The following VMP1 variants were observed in gnomAD, a reference collection of about 807,000 sequenced individuals.
VMP1 encodes the protein ectopic P-granules autophagy protein 3 homolog.
Under a neutral mutation model 56.0 loss-of-function variants are expected in VMP1, and 11 were observed. That is an observed-to-expected ratio of 0.20 (90% CI 0.12 to 0.32). The LOEUF is 0.32. VMP1 is among the 10% of genes least tolerant of loss of function. The pLI, the probability that VMP1 is intolerant of heterozygous loss-of-function variation, is 1.00. For synonymous variants in VMP1, 149 were observed against 165.0 expected (o/e 0.90, Z 0.74); for missense variants, 296 against 490.3 (o/e 0.60, Z 3.74).
intron 7 of VMP1, among the ~76,000 whole-genome samples, chr17:59,775,252 A>T (rs148232494): frequency 2.0e-5 from 3 of 146,728 alleles, no homozygotes; most frequent in African/African-American, 7.5e-5. Context: ...CCTACAAAAA[A>T]TTTTTTAAAA....
At chr17:59,715,076 G>A (rs2034100815) in intron 1 of VMP1, among the ~76,000 whole-genome samples, 1 of 152,152 alleles carries the variant, frequency 6.6e-6, no homozygotes, top group South Asian at 2.1e-4. Context: ...AGTAATTGTT[G>A]ACATCAGTTA....
At chr17:59,742,522 C>CAACAATAAT (rs1555614991) in intron 5 of VMP1, among the ~76,000 whole-genome samples, 1 of 142,948 alleles carries the variant, frequency 7.0e-6, no homozygotes, top group Non-Finnish European at 1.5e-5. Context: ...GTCTCAAAAA[C>CAACAATAAT]AATAATAATA....
At chr17:59,735,623 CT>C in intron 3 of VMP1, 150 bp downstream of exon 3, 2 of 845,330 alleles carry the variant, frequency 2.4e-6, no homozygotes, top group Non-Finnish European at 3.5e-6. Context: ...ATTCTCCTTT[CT>C]TTAGGTTGAA....
At chr17:59,835,493 GT>G (rs1175072049) in intron 10 of VMP1, among the ~76,000 whole-genome samples, 118 of 134,736 alleles carry the variant, frequency 8.8e-4, no homozygotes, top group South Asian at 2.9e-3. Context: ...GCAGTTTTTT[GT>G]TTTTTTTTTT....
intron 1 of VMP1, among the ~76,000 whole-genome samples, chr17:59,710,794 G>A (rs900942649): frequency 3.3e-5 from 5 of 152,184 alleles, no homozygotes; most frequent in African/African-American, 4.8e-5. Flanking sequence ...GAACTGGCCA[G>A]GCGCCGTGGC....
chr17:59,837,139 G>A (rs2039008347), intron 10 of VMP1, among the ~76,000 whole-genome samples: 1 of 151,786 alleles, frequency 6.6e-6, no homozygotes, highest in South Asian at 2.1e-4. Flanking sequence ...GGAGGTAGAG[G>A]TTGCAGTGAG....
chr17:59,751,428 T>A (rs1039941602), intron 5 of VMP1, among the ~76,000 whole-genome samples: 2 of 152,044 alleles, frequency 1.3e-5, no homozygotes, highest in African/African-American at 4.8e-5. Flanking sequence ...CCAGTTTTTG[T>A]GAGTCAAAAT....
chr17:59,812,126 C>CA (rs892551499), intron 9 of VMP1, among the ~76,000 whole-genome samples: 4 of 151,992 alleles, frequency 2.6e-5, no homozygotes, highest in African/African-American at 9.7e-5. Flanking sequence ...ATACACAGCC[C>CA]AAAAAATGTA....
chr17:59,735,524 A>G, intron 3 of VMP1, 51 bp downstream of exon 3: 1 of 1,594,436 alleles, frequency 6.3e-7, no homozygotes, highest in Non-Finnish European at 8.6e-7. Context: ...TTACTCATTT[A>G]AAAAATCCTC....
chr17:59,823,335 C>G (rs1304144464), intron 10 of VMP1, among the ~76,000 whole-genome samples: 1 of 151,704 alleles, frequency 6.6e-6, no homozygotes. Context: ...CCTGTAATCT[C>G]AGCTATTTGG....
rs574479104 is a variant in VMP1, at chr17:59,783,690, C to T, written c.714+9805C>T. Among the ~76,000 whole-genome samples the T allele has an allele frequency of 3.3e-5, 5 of 152,250 alleles. No homozygotes were observed. The South Asian group carries it at 1.0e-3, about 32-fold the overall frequency. The stretch of plus-strand genomic sequence containing the variant: ...CTGACTCCCTCCTTTCCTCCCATCC[C>T]CAGTAATTAATTCTTTAAGGCCTGT... On this transcript the variant is annotated intron_variant, in intron 7 of 11. Transcript: ENST00000262291.
intron 5 of VMP1, 150 bp downstream of exon 5, chr17:59,739,097 A>T: frequency 1.7e-6 from 1 of 578,698 alleles, no homozygotes. Flanking sequence ...TTTAAGTTTG[A>T]CTTAGAGTTC....
At chr17:59,825,546 A>C (rs1325229430) in intron 10 of VMP1, among the ~76,000 whole-genome samples, 2 of 152,222 alleles carry the variant, frequency 1.3e-5, no homozygotes, top group Admixed American at 1.3e-4. Flanking sequence ...GAATTCCCAG[A>C]AAATAACATT....
rs190274468 is a variant in VMP1 at position 59,719,493 on chromosome 17, T to C, written c.-27+11745T>C. Among the ~76,000 whole-genome samples the C allele has an allele frequency of 4.5e-3, 680 of 152,322 alleles. 16 individuals carry two copies. The highest frequency in any genetic ancestry group is 0.038 in the Admixed American group (574 of 15,296). On this transcript the variant is annotated intron_variant, in intron 1 of 11. Transcript: ENST00000262291. ...AAATTCATCTGGATAGATGATTTTT[T>C]TTTTTAAAGAAAGTATGTTCGTTTT...
chr17:59,806,603 T>A (rs957705413), intron 7 of VMP1, among the ~76,000 whole-genome samples: 2 of 151,320 alleles, frequency 1.3e-5, no homozygotes, highest in Admixed American at 1.3e-4. Context: ...TAATCCCAGC[T>A]GCTCAGGAGG....
chr17:59,763,480 G>A (rs7218268), intron 5 of VMP1, among the ~76,000 whole-genome samples: 20,627 of 151,900 alleles, frequency 0.14, 1,668 homozygotes, highest in Middle Eastern at 0.24. Flanking sequence ...ACTTCACATC[G>A]ATTTTTTTGA....
intron 7 of VMP1, among the ~76,000 whole-genome samples, chr17:59,776,658 G>T (rs577489343): frequency 6.6e-6 from 1 of 152,262 alleles, no homozygotes; most frequent in South Asian, 2.1e-4. Context: ...GGTATATTCC[G>T]ATTACTGAAA....
intron 10 of VMP1, among the ~76,000 whole-genome samples, chr17:59,819,872 A>T (rs1423055274): frequency 6.6e-6 from 1 of 152,196 alleles, no homozygotes; most frequent in Non-Finnish European, 1.5e-5. Context: ...CTTATACTGA[A>T]CATTTATAGA....
chr17:59,732,714 CT>C (rs1316693014), intron 2 of VMP1, among the ~76,000 whole-genome samples: 1 of 152,110 alleles, frequency 6.6e-6, no homozygotes, highest in Non-Finnish European at 1.5e-5. Flanking sequence ...CTTTTGTGTG[CT>C]ATTTTTTTCT....
Sources: gnomAD v4.1 joint callset for allele counts (sites outside exome capture counted in the v4.1 genomes callset) on GRCh38, gnomAD v4.1.1 for gene constraint, MANE v1.5 for transcripts, NCBI Gene and HGNC (gene_info 2026-07-23, HGNC 2026-07-21) for gene names.